GRIK1: variants seen among roughly 807,000 people sequenced by gnomAD.
GRIK1 encodes glutamate ionotropic receptor kainate type subunit 1.
GRIK1 carries 69 observed loss-of-function variants against 105.7 expected under a neutral mutation model. The observed-to-expected ratio is 0.65, with a 90% CI of 0.54 to 0.80. The LOEUF is 0.80. Among genes scored for constraint, GRIK1 ranks in the 30% least tolerant of loss-of-function variants. GRIK1 has a pLI of 0.00. For synonymous variants in GRIK1, 438 were observed against 431.3 expected, an observed-to-expected ratio of 1.02 and a Z score of -0.19; for missense variants, 1,109 against 1,167.3, an observed-to-expected ratio of 0.95 and a Z score of 0.73.
chr21:29,895,853 A>G (rs1433857654), intron 1 of GRIK1, among the ~76,000 whole-genome samples: 5 of 152,220 alleles, frequency 3.3e-5, no homozygotes, highest in South Asian at 2.1e-4. Context: ...CGTGAAATTC[A>G]GAGGACAGTA....
intron 1 of GRIK1, among the ~76,000 whole-genome samples, chr21:29,792,026 T>C (rs1032834364): frequency 6.6e-6 from 1 of 152,204 alleles, no homozygotes; most frequent in Non-Finnish European, 1.5e-5. Context: ...AAGTGGGTTT[T>C]AGAGTTTAAT....
chr21:29,898,673 A>T (rs462191), intron 1 of GRIK1, among the ~76,000 whole-genome samples: 33,644 of 152,148 alleles, frequency 0.22, 4,246 homozygotes, highest in African/African-American at 0.34. Flanking sequence ...GACAATTAAT[A>T]GTTCTTTAAT....
At chr21:29,888,907 G>A (rs914336676) in intron 1 of GRIK1, among the ~76,000 whole-genome samples, 6 of 147,538 alleles carry the variant, frequency 4.1e-5, no homozygotes, top group Admixed American at 2.0e-4. Flanking sequence ...TCATGGAAAG[G>A]TTTCCCTTTT....
At chr21:29,712,336 G>A (rs2064077049) in intron 1 of GRIK1, among the ~76,000 whole-genome samples, 2 of 151,758 alleles carry the variant, frequency 1.3e-5, no homozygotes, top group Non-Finnish European at 1.5e-5. Flanking sequence ...ACGTTTCAAT[G>A]AATAAATTCT....
chr21:29,623,030 C>T (rs1174036569), intron 7 of GRIK1, among the ~76,000 whole-genome samples: 1 of 152,150 alleles, frequency 6.6e-6, no homozygotes, highest in Non-Finnish European at 1.5e-5. Flanking sequence ...TATATATCAT[C>T]TCAGTTATTG....
At chr21:29,541,128 C>T (rs561387984) in intron 16 of GRIK1, among the ~76,000 whole-genome samples, 26 of 152,224 alleles carry the variant, frequency 1.7e-4, no homozygotes, top group African/African-American at 2.4e-4. Flanking sequence ...CCACCACACG[C>T]GGCTAATTTT....
chr21:29,548,018 T>A (rs1440173825), intron 16 of GRIK1, among the ~76,000 whole-genome samples: 2 of 152,180 alleles, frequency 1.3e-5, no homozygotes, highest in East Asian at 3.9e-4. Context: ...TATTTGAATA[T>A]TTTAAGTCTA....
At chr21:29,588,164 C>T (rs1032820910) in intron 11 of GRIK1, among the ~76,000 whole-genome samples, 1 of 151,174 alleles carries the variant, frequency 6.6e-6, no homozygotes, top group Non-Finnish European at 1.5e-5. Flanking sequence ...TTAGTAGAGG[C>T]GGGGTTTCAC....
chr21:29,772,346 A>G (rs1053405444), intron 1 of GRIK1, among the ~76,000 whole-genome samples: 3 of 152,220 alleles, frequency 2.0e-5, no homozygotes, highest in Non-Finnish European at 4.4e-5. Flanking sequence ...ATAGTTTTTG[A>G]AAGTGTGTTA....
intron 1 of GRIK1, among the ~76,000 whole-genome samples, chr21:29,746,050 G>C (rs2065040782): frequency 6.6e-6 from 1 of 152,128 alleles, no homozygotes; most frequent in South Asian, 2.1e-4. Context: ...CTTGCAGTGA[G>C]CCAAGATCGC....
chr21:29,703,215 C>A (rs1242800571), intron 1 of GRIK1, among the ~76,000 whole-genome samples: 1 of 152,186 alleles, frequency 6.6e-6, no homozygotes, highest in East Asian at 1.9e-4. Flanking sequence ...CTCGCTTGCT[C>A]CCTTAACTAA....
At chr21:29,564,286 T>C (rs2090558690) in intron 14 of GRIK1, among the ~76,000 whole-genome samples, 1 of 151,396 alleles carries the variant, frequency 6.6e-6, no homozygotes, top group Non-Finnish European at 1.5e-5. Context: ...TAGCTGGGAC[T>C]ACAGGCGCCC....
At chr21:29,767,188 A>T (rs1168114457) in intron 1 of GRIK1, among the ~76,000 whole-genome samples, 1 of 152,224 alleles carries the variant, frequency 6.6e-6, no homozygotes, top group African/African-American at 2.4e-5. Flanking sequence ...CTGAATATTA[A>T]TGCATCATAA....
At chr21:29,869,731 C>A (rs2068947624) in intron 1 of GRIK1, among the ~76,000 whole-genome samples, 2 of 152,086 alleles carry the variant, frequency 1.3e-5, no homozygotes, top group South Asian at 4.1e-4. Flanking sequence ...ACATGTACAT[C>A]TTTTTCTGCT....
At chr21:29,706,252 T>TA (rs1350144602) in intron 1 of GRIK1, among the ~76,000 whole-genome samples, 2 of 152,350 alleles carry the variant, frequency 1.3e-5, no homozygotes, top group East Asian at 1.9e-4. Context: ...TTTGAAAATT[T>TA]AAAAAATCCA....
intron 7 of GRIK1, among the ~76,000 whole-genome samples, chr21:29,623,431 C>A (rs1843349150): frequency 6.7e-6 from 1 of 149,970 alleles, no homozygotes; most frequent in South Asian, 2.1e-4. Flanking sequence ...GCAAGACAGG[C>A]TTTTGAAAAA....
chr21:29,657,194 G>C (rs1418160373), intron 4 of GRIK1, among the ~76,000 whole-genome samples: 1 of 152,136 alleles, frequency 6.6e-6, no homozygotes, highest in East Asian at 1.9e-4. Flanking sequence ...GAGGATATAG[G>C]GCTGAATGCT....
intron 6 of GRIK1, among the ~76,000 whole-genome samples, chr21:29,646,974 T>C (rs1209355511): frequency 6.6e-6 from 1 of 152,064 alleles, no homozygotes; most frequent in East Asian, 1.9e-4. Flanking sequence ...GCCTCCTGAG[T>C]AGCTGGGATT....
intron 1 of GRIK1, among the ~76,000 whole-genome samples, chr21:29,850,074 T>A (rs528721129): frequency 6.6e-6 from 1 of 152,334 alleles, no homozygotes; most frequent in East Asian, 1.9e-4. Flanking sequence ...CCCGTGAAGT[T>A]TATGTCATCC....
Sources: allele counts gnomAD v4.1 joint callset (sites outside exome capture counted in the v4.1 genomes callset), GRCh38; gene constraint gnomAD v4.1.1; transcripts MANE v1.5; gene names NCBI Gene and HGNC (gene_info 2026-07-23, HGNC 2026-07-21).